The following SYT1 variants were observed in gnomAD, a reference collection of about 807,000 sequenced individuals.
SYT1 encodes the protein synaptotagmin 1.
Under a neutral mutation model 44.8 loss-of-function variants are expected in SYT1, and 8 were observed. That is an observed-to-expected ratio of 0.18 (90% CI 0.10 to 0.32). The LOEUF (loss-of-function observed/expected upper bound fraction) is 0.32, where lower values mean the gene tolerates loss of function less well. Ranked by LOEUF, SYT1 falls within the 10% of genes least tolerant of loss-of-function variation. SYT1 has a pLI of 1.00. For synonymous variants in SYT1, 154 were observed against 188.8 expected (o/e 0.82, Z 1.51); for missense variants, 286 against 509.3 (o/e 0.56, Z 4.22).
chr12:79,015,959 G>A (rs980294434), intron 2 of SYT1, among the ~76,000 whole-genome samples: 6 of 152,138 alleles, frequency 3.9e-5, no homozygotes, highest in African/African-American at 1.4e-4. Flanking sequence ...AAAACAAAGT[G>A]TAATGAGCCA....
At chr12:79,004,820 C>T (rs1258545879) in intron 2 of SYT1, among the ~76,000 whole-genome samples, 1 of 151,764 alleles carries the variant, frequency 6.6e-6, no homozygotes, top group African/African-American at 2.4e-5. Context: ...AGTAACTTGC[C>T]CAGGTCACAT....
At chr12:79,171,911 T>C (rs573754818) in intron 3 of SYT1, among the ~76,000 whole-genome samples, 1 of 152,148 alleles carries the variant, frequency 6.6e-6, no homozygotes, top group South Asian at 2.1e-4. Context: ...ACACAGTATC[T>C]GGCATATTAT....
intron 9 of SYT1, among the ~76,000 whole-genome samples, chr12:79,415,273 G>A (rs1199955888): frequency 2.0e-5 from 3 of 152,046 alleles, no homozygotes. Context: ...TTTCATACAT[G>A]TGCAAGCATA....
At chr12:79,072,035 A>C (rs1285762327) in intron 3 of SYT1, among the ~76,000 whole-genome samples, 2 of 152,164 alleles carry the variant, frequency 1.3e-5, no homozygotes, top group Non-Finnish European at 2.9e-5. Flanking sequence ...TCAGAGAATA[A>C]AATGACATAT....
intron 9 of SYT1, among the ~76,000 whole-genome samples, chr12:79,424,864 C>T (rs986426318): frequency 6.0e-5 from 9 of 150,380 alleles, no homozygotes; most frequent in Admixed American, 6.0e-4. Flanking sequence ...AATTTGTTAT[C>T]CATTAATCAT....
chr12:78,980,949 G>C (rs866837789), intron 2 of SYT1, among the ~76,000 whole-genome samples: 58 of 151,858 alleles, frequency 3.8e-4, no homozygotes, highest in African/African-American at 5.1e-4. Flanking sequence ...AGAGATGCTG[G>C]GTAGATTTAG....
intron 1 of SYT1, among the ~76,000 whole-genome samples, chr12:78,951,868 C>T (rs1878986016): frequency 6.6e-6 from 1 of 152,102 alleles, no homozygotes; most frequent in Non-Finnish European, 1.5e-5. Context: ...ATGTGTCATT[C>T]AGGGCATCTC....
chr12:78,947,707 TTTC>T (rs1264922854), intron 1 of SYT1, among the ~76,000 whole-genome samples: 1 of 152,010 alleles, frequency 6.6e-6, no homozygotes, highest in East Asian at 1.9e-4. Flanking sequence ...GTTCCTATGT[TTTC>T]TTCAAAATGT....
At chr12:79,110,591 A>C (rs1878959635) in intron 3 of SYT1, among the ~76,000 whole-genome samples, 1 of 152,206 alleles carries the variant, frequency 6.6e-6, no homozygotes. Context: ...TTTGTATCTT[A>C]CCTAGATCAT....
intron 3 of SYT1, among the ~76,000 whole-genome samples, chr12:79,088,738 CTGTGTGTG>C (rs571903732): frequency 0.12 from 16,338 of 137,214 alleles, 944 homozygotes; most frequent in African/African-American, 0.16. Context: ...GGCTTTGGGC[CTGTGTGTG>C]TGTGTGTGTG....
chr12:79,349,025 AAGAAAGAAAAAGAAAG>A (rs753239779), intron 8 of SYT1, among the ~76,000 whole-genome samples: 221 of 132,612 alleles, frequency 1.7e-3, no homozygotes, highest in African/African-American at 4.1e-3. Context: ...GAAAGAAAGA[AAGAAAGAAAAAGAAAG>A]AAAGAAAGAA....
At chr12:79,208,629 A>T (rs559248274) in intron 3 of SYT1, among the ~76,000 whole-genome samples, 1 of 152,164 alleles carries the variant, frequency 6.6e-6, no homozygotes, top group Non-Finnish European at 1.5e-5. Context: ...AAGAAGGAAG[A>T]GAGAAGACAT....
intron 3 of SYT1, among the ~76,000 whole-genome samples, chr12:79,053,962 A>G (rs1373877235): frequency 1.3e-5 from 2 of 152,054 alleles, no homozygotes; most frequent in Admixed American, 6.6e-5. Context: ...GAGTTCATAT[A>G]TAGAAGGAAG....
intron 3 of SYT1, among the ~76,000 whole-genome samples, chr12:79,195,874 C>T (rs1490874170): frequency 1.3e-5 from 2 of 152,134 alleles, no homozygotes; most frequent in Admixed American, 6.5e-5. Flanking sequence ...AACTACATGT[C>T]GCATTTCAAC....
At chr12:79,121,345 C>T (rs1280784407) in intron 3 of SYT1, among the ~76,000 whole-genome samples, 2 of 152,252 alleles carry the variant, frequency 1.3e-5, no homozygotes, top group African/African-American at 2.4e-5. Context: ...AGTAGATAGC[C>T]TCATATACTA....
chr12:79,381,553 G>A (rs1462622008), intron 9 of SYT1, among the ~76,000 whole-genome samples: 1 of 152,190 alleles, frequency 6.6e-6, no homozygotes, highest in African/African-American at 2.4e-5. Context: ...CATCTGCCAA[G>A]AATAAGCCCT....
intron 4 of SYT1, among the ~76,000 whole-genome samples, chr12:79,245,502 G>GAA (rs902958544): frequency 2.3e-5 from 3 of 130,204 alleles, no homozygotes; most frequent in African/African-American, 5.7e-5. Context: ...AAAGAAAAAA[G>GAA]AAAAAAAAAA....
At chr12:79,305,714 G>T (rs1880360013) in intron 8 of SYT1, among the ~76,000 whole-genome samples, 1 of 152,118 alleles carries the variant, frequency 6.6e-6, no homozygotes. Context: ...GCCATTTTTT[G>T]AGATTGAGTC....
chr12:79,062,561 A>G (rs2137850527), intron 3 of SYT1, among the ~76,000 whole-genome samples: 1 of 152,166 alleles, frequency 6.6e-6, no homozygotes, highest in South Asian at 2.1e-4. Context: ...TGCTTCTTTT[A>G]TTCTTTCAGA....
Sources: allele counts gnomAD v4.1 joint callset (sites outside exome capture counted in the v4.1 genomes callset), GRCh38; gene constraint gnomAD v4.1.1; transcripts MANE v1.5; gene names NCBI Gene and HGNC (gene_info 2026-07-23, HGNC 2026-07-21).